Variants in GPC5 observed in about 807,000 individuals in gnomAD.
The protein encoded by GPC5 is glypican 5.
A neutral mutation model predicts 53.9 loss-of-function variants in GPC5; 47 were observed. The observed-to-expected ratio is 0.87, with a 90% CI of 0.69 to 1.11. GPC5 has a LOEUF of 1.11. Ranked by LOEUF, GPC5 falls within the 50% of genes most tolerant of loss-of-function variation. The probability of loss-of-function intolerance (pLI) is 0.00; values close to 1 mark genes in which losing one functional copy is unlikely to be tolerated. For synonymous variants in GPC5, 286 were observed against 263.3 expected (o/e 1.09, Z -0.84); for missense variants, 748 against 713.1 (o/e 1.05, Z -0.56).
intron 7 of GPC5, among the ~76,000 whole-genome samples, chr13:92,259,698 G>T (rs2042751744): frequency 6.6e-6 from 1 of 152,154 alleles, no homozygotes; most frequent in Admixed American, 6.6e-5. Flanking sequence ...CCTGGCAGGT[G>T]CTTGGAGCTG....
intron 2 of GPC5, among the ~76,000 whole-genome samples, chr13:91,572,776 C>CA (rs779207240): frequency 1.3e-5 from 2 of 151,738 alleles, no homozygotes; most frequent in Non-Finnish European, 2.9e-5. Flanking sequence ...CAGTCCTTCC[C>CA]AAAAAAAGAT....
chr13:92,265,931 G>A (rs2042799620), intron 7 of GPC5, among the ~76,000 whole-genome samples: 4 of 152,176 alleles, frequency 2.6e-5, no homozygotes, highest in Admixed American at 1.3e-4. Context: ...ATCCCCAAAG[G>A]TGAAGGTGAA....
rs1280134596 is a variant in GPC5, at chr13:92,432,496, G to T, written c.1561+287507G>T. On this transcript the variant is annotated intron_variant, in intron 7 of 7. Transcript: ENST00000377067. ...CCTCCCATTTTCAACTCATGGTCAA[G>T]TGATCTGCGTGATCATCACAGGCAC... Among the ~76,000 whole-genome samples, 2 of 148,898 alleles carry T rather than the reference G, an allele frequency of 1.3e-5. 1 individual carries two copies. Among genetic ancestry groups the T allele is most frequent in the Admixed American group, 1.3e-4 (2 of 14,854 alleles).
chr13:92,700,879 T>C (rs1566371252), intron 7 of GPC5, among the ~76,000 whole-genome samples: 1 of 152,088 alleles, frequency 6.6e-6, no homozygotes, highest in East Asian at 1.9e-4. Context: ...ATTCAGATCA[T>C]TCTCTGTCTT....
chr13:92,818,389 C>A (rs1477978425), intron 7 of GPC5, among the ~76,000 whole-genome samples: 1 of 151,804 alleles, frequency 6.6e-6, no homozygotes, highest in Non-Finnish European at 1.5e-5. Context: ...AAAAATAATT[C>A]TTTATTAAAA....
At chr13:92,427,636 G>A in intron 7 of GPC5, among the ~76,000 whole-genome samples, 1 of 152,014 alleles carries the variant, frequency 6.6e-6, no homozygotes. Context: ...ATTCATTAAA[G>A]AAACTGTTGC....
intron 2 of GPC5, among the ~76,000 whole-genome samples, chr13:91,634,056 G>A (rs1047400069): frequency 6.6e-6 from 1 of 152,198 alleles, no homozygotes; most frequent in East Asian, 1.9e-4. Context: ...CTCTCAGTTG[G>A]TGTCAAGCTT....
intron 2 of GPC5, among the ~76,000 whole-genome samples, chr13:91,637,652 G>A (rs1594363934): frequency 1.3e-5 from 2 of 152,276 alleles, no homozygotes; most frequent in East Asian, 3.9e-4. Context: ...ACAGATAAGA[G>A]GAATATTGAA....
At chr13:91,443,026 A>G (rs148243448) in intron 1 of GPC5, among the ~76,000 whole-genome samples, 1 of 152,306 alleles carries the variant, frequency 6.6e-6, no homozygotes, top group Non-Finnish European at 1.5e-5. Context: ...AAAGCTGACA[A>G]ACTTTAAAAA....
intron 7 of GPC5, chr13:92,240,040 G>T (rs983931321): frequency 6.6e-6 from 1 of 151,846 alleles, no homozygotes; most frequent in Non-Finnish European, 1.5e-5. Flanking sequence ...TTTTTTATAT[G>T]AAAAACTTCA....
chr13:91,640,263 A>G (rs373089728), intron 2 of GPC5, among the ~76,000 whole-genome samples: 159 of 152,210 alleles, frequency 1.0e-3, no homozygotes, highest in African/African-American at 3.8e-3. Context: ...AGTATCTAGA[A>G]TCTACAATGA....
chr13:92,704,378 G>A (rs1566373548), intron 7 of GPC5, among the ~76,000 whole-genome samples: 1 of 151,920 alleles, frequency 6.6e-6, no homozygotes, highest in Non-Finnish European at 1.5e-5. Flanking sequence ...TACTAATGCA[G>A]AATAAAGTTT....
intron 7 of GPC5, among the ~76,000 whole-genome samples, chr13:92,703,052 ATATTTATTTATT>A (rs138015246): frequency 3.2e-4 from 47 of 145,806 alleles, no homozygotes; most frequent in South Asian, 4.4e-4. Context: ...GCATATATAT[ATATTTATTTATT>A]TATTTATTTA....
rs553741247 is a variant in GPC5 at position 91,402,606 on chromosome 13, A to G, written c.163+3397A>G. On this transcript the variant is annotated intron_variant, in intron 1 of 7. Coordinates refer to ENST00000377067, the MANE Select transcript of GPC5 (RefSeq NM_004466.6). ...TGTTTTCTCATTTAGAAATAGGAAT[A>G]TTCTTAAAAAGTGTTTGCATAGATA... 2.0e-5 allele frequency among the ~76,000 whole-genome samples: 3 copies of G among 152,358 alleles called. No homozygotes were observed. The South Asian group carries it at 6.2e-4, about 32-fold the overall frequency.
At chr13:91,822,915 T>C (rs1477579499) in intron 5 of GPC5, among the ~76,000 whole-genome samples, 3 of 152,156 alleles carry the variant, frequency 2.0e-5, no homozygotes, top group Non-Finnish European at 4.4e-5. Context: ...GACACATGTA[T>C]TAAATTAATA....
At chr13:91,594,258 A>G (rs1042987124) in intron 2 of GPC5, among the ~76,000 whole-genome samples, 6 of 152,198 alleles carry the variant, frequency 3.9e-5, no homozygotes, top group Non-Finnish European at 8.8e-5. Context: ...ACATGTGTCA[A>G]TAGTGTGTGG....
At chr13:91,567,923 C>G (rs1190157784) in intron 2 of GPC5, among the ~76,000 whole-genome samples, 1 of 152,130 alleles carries the variant, frequency 6.6e-6, no homozygotes, top group Non-Finnish European at 1.5e-5. Context: ...AGGGAGTGAG[C>G]TGATAGGATA....
intron 6 of GPC5, among the ~76,000 whole-genome samples, chr13:92,087,966 C>T (rs1234837415): frequency 1.3e-5 from 2 of 151,020 alleles, no homozygotes; most frequent in African/African-American, 2.4e-5. Context: ...ATGGGGGTCT[C>T]GCTACATTGA....
chr13:92,696,549 T>A (rs1887563873), intron 7 of GPC5, among the ~76,000 whole-genome samples: 1 of 152,104 alleles, frequency 6.6e-6, no homozygotes, highest in Non-Finnish European at 1.5e-5. Flanking sequence ...GGGTTGTTTG[T>A]TTTTTTCTTG....
Sources: allele counts gnomAD v4.1 joint callset (sites outside exome capture counted in the v4.1 genomes callset), GRCh38; gene constraint gnomAD v4.1.1; transcripts MANE v1.5; gene names NCBI Gene and HGNC (gene_info 2026-07-23, HGNC 2026-07-21).